The following STARD13 variants were observed in gnomAD, a reference collection of about 807,000 sequenced individuals.
The protein encoded by STARD13 is stAR-related lipid transfer protein 13.
STARD13 carries 62 observed loss-of-function variants against 106.4 expected under a neutral mutation model. The observed-to-expected ratio is 0.58, with a 90% confidence interval of 0.48 to 0.72. STARD13 has a LOEUF of 0.72. STARD13 is among the 30% of genes least tolerant of loss of function. STARD13 has a pLI of 0.00. For missense variants in STARD13, 1,387 were observed against 1,424.0 expected, an observed-to-expected ratio of 0.97 and a Z score of 0.42; for synonymous variants, 565 against 553.0, an observed-to-expected ratio of 1.02 and a Z score of -0.31.
intron 1 of STARD13, among the ~76,000 whole-genome samples, chr13:33,218,848 C>G (rs779851649): frequency 6.6e-6 from 1 of 152,166 alleles, no homozygotes; most frequent in Non-Finnish European, 1.5e-5. Flanking sequence ...GAAGGATACT[C>G]TGTGATAAAT....
the STARD13 span, among the ~76,000 whole-genome samples, chr13:33,612,300 C>G: frequency 2.6e-5 from 4 of 152,166 alleles, no homozygotes; most frequent in Non-Finnish European, 4.4e-5. Flanking sequence ...CCAACAGTGC[C>G]TTGGTAAGAA....
chr13:33,670,811 A>G, the STARD13 span, among the ~76,000 whole-genome samples: 234 of 152,326 alleles, frequency 1.5e-3, no homozygotes, highest in Middle Eastern at 0.017. Context: ...GCCTCATTGC[A>G]TTAGCTAGGC....
intron 1 of STARD13, among the ~76,000 whole-genome samples, chr13:33,229,938 G>A (rs1438562422): frequency 6.6e-6 from 1 of 152,184 alleles, no homozygotes; most frequent in African/African-American, 2.4e-5. Context: ...AGTGGTGGTT[G>A]CCTGCTGCCA....
chr13:33,651,026 T>C, the STARD13 span, among the ~76,000 whole-genome samples: 2 of 152,272 alleles, frequency 1.3e-5, no homozygotes, highest in African/African-American at 4.8e-5. Context: ...TGGTTTGTTA[T>C]AGCAACACTC....
intron 1 of STARD13, among the ~76,000 whole-genome samples, chr13:33,349,473 C>A (rs1396136552): frequency 6.6e-6 from 1 of 152,228 alleles, no homozygotes; most frequent in Non-Finnish European, 1.5e-5. Context: ...GGACCGCCCA[C>A]TGCATCCTTG....
chr13:33,658,992 G>T, the STARD13 span, among the ~76,000 whole-genome samples: 1 of 152,106 alleles, frequency 6.6e-6, no homozygotes, highest in Non-Finnish European at 1.5e-5. Flanking sequence ...GGTTCCTGGA[G>T]GGTGGCAAGC....
the STARD13 span, among the ~76,000 whole-genome samples, chr13:33,468,685 C>G: frequency 6.6e-6 from 1 of 151,474 alleles, no homozygotes; most frequent in African/African-American, 2.4e-5. Context: ...TTGCCCAGAT[C>G]AAGTTTCCAG....
the STARD13 span, among the ~76,000 whole-genome samples, chr13:33,600,682 C>G: frequency 6.6e-6 from 1 of 152,050 alleles, no homozygotes; most frequent in African/African-American, 2.4e-5. Flanking sequence ...GGGATGTACA[C>G]TTTTTACCAG....
At chr13:33,197,719 G>A (rs1426436736) in intron 1 of STARD13, among the ~76,000 whole-genome samples, 1 of 152,130 alleles carries the variant, frequency 6.6e-6, no homozygotes, top group Non-Finnish European at 1.5e-5. Context: ...CTGCTCATCC[G>A]TCCTTACATT....
intron 1 of STARD13, among the ~76,000 whole-genome samples, chr13:33,308,769 C>T (rs1483265564): frequency 6.6e-6 from 1 of 152,144 alleles, no homozygotes; most frequent in East Asian, 1.9e-4. Flanking sequence ...GGTGATCCAC[C>T]CGCCTTGGCC....
the STARD13 span, among the ~76,000 whole-genome samples, chr13:33,408,967 A>G: frequency 6.6e-6 from 1 of 151,732 alleles, no homozygotes; most frequent in East Asian, 2.0e-4. Context: ...GCCTCCACCA[A>G]GAGCAACCAG....
At chr13:33,171,168 A>G (rs1883910800) in intron 1 of STARD13, among the ~76,000 whole-genome samples, 2 of 152,254 alleles carry the variant, frequency 1.3e-5, no homozygotes, top group Non-Finnish European at 2.9e-5. Flanking sequence ...ATTAAGAGCT[A>G]TTAAAATCAC....
At chr13:33,606,384 CAT>C in the STARD13 span, among the ~76,000 whole-genome samples, 1 of 152,096 alleles carries the variant, frequency 6.6e-6, no homozygotes, top group Admixed American at 6.5e-5. Context: ...ATGTGTAAAA[CAT>C]GTAGAATATT....
intron 5 of STARD13, 147 bp from the exon 6 acceptor site, chr13:33,127,693 T>A: frequency 1.4e-6 from 1 of 738,242 alleles, no homozygotes; most frequent in Non-Finnish European, 2.0e-6. Flanking sequence ...GACACAAGTG[T>A]GCAGAATAAA....
At chr13:33,139,221 T>A (rs1879485990) in intron 4 of STARD13, among the ~76,000 whole-genome samples, 1 of 152,168 alleles carries the variant, frequency 6.6e-6, no homozygotes, top group South Asian at 2.1e-4. Context: ...TCACCCAGAC[T>A]CCAGTTTGTC....
rs747174999 is a variant in STARD13 at position 33,127,384 on chromosome 13, G to A, written c.1911C>T (p.His637=). The stretch of plus-strand genomic sequence containing the variant: ...AATGTGCTACGCACCATGTCCAGCC[G>A]TGCTTGTTGGACATGGAGTGCTTCT... The part of the protein sequence containing the change: ...IMEKHSMSNK[H]GWTWSVPKFM... Residue 637 remains histidine, a synonymous_variant, in exon 6 of 14, where the codon CAC becomes CAT. Transcript: ENST00000336934. The A allele has an allele frequency of 2.3e-5, 37 of 1,599,114 alleles. 1 individual carries two copies. In the South Asian group the frequency reaches 3.4e-4, roughly 15 times the overall value.
intron 3 of STARD13, among the ~76,000 whole-genome samples, chr13:33,163,736 T>TATATATAACATATATAAAAC (rs1883013612): frequency 1.0e-5 from 1 of 95,726 alleles, no homozygotes; most frequent in Non-Finnish European, 2.6e-5. Context: ...ATATAAAACA[T>TATATATAACATATATAAAAC]ATATATATAA....
At chr13:33,203,557 C>CA (rs1887201258) in intron 1 of STARD13, among the ~76,000 whole-genome samples, 1 of 151,902 alleles carries the variant, frequency 6.6e-6, no homozygotes, top group Admixed American at 6.6e-5. Flanking sequence ...TACATATATT[C>CA]AACCATACTA....
At chr13:33,510,787 T>C in the STARD13 span, among the ~76,000 whole-genome samples, 1 of 152,196 alleles carries the variant, frequency 6.6e-6, no homozygotes, top group Non-Finnish European at 1.5e-5. Context: ...GAAAATTATT[T>C]TGAACTTCTA....
Sources: gnomAD v4.1 joint callset for allele counts (sites outside exome capture counted in the v4.1 genomes callset) on GRCh38, gnomAD v4.1.1 for gene constraint, MANE v1.5 for transcripts, NCBI Gene and HGNC (gene_info 2026-07-23, HGNC 2026-07-21) for gene names.